Variants in NTNG1 observed in about 807,000 individuals in gnomAD.
NTNG1 encodes netrin G1, also known as netrin-G1.
Under a neutral mutation model 54.0 loss-of-function variants are expected in NTNG1, and 16 were observed. The ratio of observed to expected loss-of-function variants is 0.30; its 90% CI spans 0.20 to 0.45. NTNG1 has a LOEUF of 0.45. Ranked by LOEUF, NTNG1 falls within the 20% of genes least tolerant of loss-of-function variation. The pLI, the probability that NTNG1 is intolerant of heterozygous loss-of-function variation, is 1.00. For synonymous variants in NTNG1, 255 were observed against 263.1 expected, an observed-to-expected ratio of 0.97 and a Z score of 0.30; for missense variants, 530 against 678.7, an observed-to-expected ratio of 0.78 and a Z score of 2.43.
intron 2 of NTNG1, among the ~76,000 whole-genome samples, chr1:107,291,371 T>C (rs1665591828): frequency 6.6e-6 from 1 of 152,164 alleles, no homozygotes; most frequent in Admixed American, 6.6e-5. Context: ...CAATAGGCTA[T>C]TACTAGTTTA....
intron 3 of NTNG1, among the ~76,000 whole-genome samples, chr1:107,379,531 A>G (rs764000924): frequency 6.6e-6 from 1 of 152,184 alleles, no homozygotes; most frequent in African/African-American, 2.4e-5. Flanking sequence ...GAAACCTTTC[A>G]TGTGATAATT....
intron 3 of NTNG1, among the ~76,000 whole-genome samples, chr1:107,375,723 A>G (rs1380077988): frequency 6.6e-6 from 1 of 152,206 alleles, no homozygotes; most frequent in Non-Finnish European, 1.5e-5. Context: ...TCATAGATTG[A>G]TCATTTGACT....
chr1:107,345,731 A>G (rs1005360249), intron 3 of NTNG1, among the ~76,000 whole-genome samples: 18 of 152,130 alleles, frequency 1.2e-4, no homozygotes, highest in African/African-American at 4.1e-4. Context: ...TCCCCATAAG[A>G]AAAGTGTACT....
chr1:107,415,014 AT>A (rs1215303045), intron 5 of NTNG1, among the ~76,000 whole-genome samples: 2 of 152,250 alleles, frequency 1.3e-5, no homozygotes, highest in East Asian at 1.9e-4. Flanking sequence ...CATTTCAGAT[AT>A]TTTATTTTTT....
At chr1:107,458,706 T>C (rs1456835945) in intron 7 of NTNG1, among the ~76,000 whole-genome samples, 3 of 152,166 alleles carry the variant, frequency 2.0e-5, no homozygotes, top group Non-Finnish European at 4.4e-5. Flanking sequence ...AAACATGTAA[T>C]GTCTTACCAT....
At chr1:107,335,608 T>G (rs1668530885) in intron 3 of NTNG1, among the ~76,000 whole-genome samples, 1 of 152,008 alleles carries the variant, frequency 6.6e-6, no homozygotes, top group Non-Finnish European at 1.5e-5. Flanking sequence ...AACACAAATA[T>G]AGTTGGCTAA....
chr1:107,204,557 A>T (rs1659031262), intron 2 of NTNG1, among the ~76,000 whole-genome samples: 1 of 152,026 alleles, frequency 6.6e-6, no homozygotes, highest in Non-Finnish European at 1.5e-5. Flanking sequence ...TCTGTCTCTG[A>T]CCCTTCATAT....
intron 2 of NTNG1, among the ~76,000 whole-genome samples, chr1:107,245,069 A>G (rs1454406387): frequency 6.6e-6 from 1 of 152,238 alleles, no homozygotes; most frequent in Admixed American, 6.5e-5. Context: ...TATCAAAAAA[A>G]GACCCATAAG....
chr1:107,461,879 G>A (rs150627055), intron 7 of NTNG1, among the ~76,000 whole-genome samples: 56 of 152,222 alleles, frequency 3.7e-4, no homozygotes, highest in East Asian at 3.7e-3. Context: ...GAGCAGAGGC[G>A]TGCCATGATA....
intron 2 of NTNG1, among the ~76,000 whole-genome samples, chr1:107,242,500 G>C (rs1020131650): frequency 6.6e-6 from 1 of 152,158 alleles, no homozygotes; most frequent in Non-Finnish European, 1.5e-5. Context: ...AACAATTGCA[G>C]ATTAGCCTCT....
At position 107,482,120 on chromosome 1, in the gene NTNG1, C is replaced by CAGAGTACTA. The variant is rs1426843488; in HGVS notation, c.*1285_*1293dup. 1.4e-4 allele frequency: 21 copies of CAGAGTACTA among 147,220 alleles called. No homozygotes were observed. The highest frequency in any genetic ancestry group is 5.3e-4 in the African/African-American group (21 of 39,430). 9.1% of individuals were successfully genotyped at this position (147,220 alleles called of 1,614,324 possible). ...CCAAGATTATGCCAAAGCCTGTTGG[C>CAGAGTACTA]AGAGTACTAAGAGACTTTTATTTTT... is the stretch of plus-strand genomic sequence containing the variant. On this transcript the variant is annotated 3_prime_UTR_variant, in exon 8 of 8. Coordinates refer to ENST00000370068, the MANE Select transcript of NTNG1 (RefSeq NM_001113226.3).
intron 2 of NTNG1, 104 bp from the exon 3 acceptor site, chr1:107,324,178 G>A (rs1323163167): frequency 3.9e-6 from 4 of 1,024,622 alleles, no homozygotes; most frequent in Middle Eastern, 2.4e-4. Flanking sequence ...ACTGAAAACA[G>A]ATTTTTTTTT....
At chr1:107,475,681 G>A (rs185753363) in intron 7 of NTNG1, among the ~76,000 whole-genome samples, 76 of 152,254 alleles carry the variant, frequency 5.0e-4, no homozygotes, top group African/African-American at 1.8e-3. Context: ...AAATATATCA[G>A]GGACAACTGC....
At chr1:107,289,575 A>G (rs1665448628) in intron 2 of NTNG1, among the ~76,000 whole-genome samples, 1 of 152,108 alleles carries the variant, frequency 6.6e-6, no homozygotes, top group South Asian at 2.1e-4. Flanking sequence ...CTCAACTTAA[A>G]TATCACTTCA....
intron 3 of NTNG1, among the ~76,000 whole-genome samples, chr1:107,347,314 G>T (rs1669307190): frequency 6.6e-6 from 1 of 152,130 alleles, no homozygotes; most frequent in Non-Finnish European, 1.5e-5. Context: ...AGAAGTTCAA[G>T]ATCAGATAGG....
At chr1:107,392,642 C>T (rs1024485995) in intron 3 of NTNG1, among the ~76,000 whole-genome samples, 2 of 151,870 alleles carry the variant, frequency 1.3e-5, no homozygotes, top group Admixed American at 6.6e-5. Flanking sequence ...AGGCTGTGGA[C>T]ATTTGGAAGG....
chr1:107,191,164 T>A (rs1482858613), intron 2 of NTNG1, among the ~76,000 whole-genome samples: 1 of 152,246 alleles, frequency 6.6e-6, no homozygotes, highest in Non-Finnish European at 1.5e-5. Flanking sequence ...GATTTGCATT[T>A]CTCTGATGGC....
intron 2 of NTNG1, among the ~76,000 whole-genome samples, chr1:107,297,246 T>TATATATATA (rs1239725449): frequency 1.5e-5 from 1 of 67,274 alleles, no homozygotes; most frequent in African/African-American, 5.6e-5. Context: ...TATATATATA[T>TATATATATA]GCGCACACAC....
intron 3 of NTNG1, among the ~76,000 whole-genome samples, chr1:107,386,702 G>C (rs910803510): frequency 6.6e-6 from 1 of 152,072 alleles, no homozygotes; most frequent in Non-Finnish European, 1.5e-5. Flanking sequence ...TAATATTTGC[G>C]TACAAGTTTT....
Sources: gnomAD v4.1 joint callset for allele counts (sites outside exome capture counted in the v4.1 genomes callset) on GRCh38, gnomAD v4.1.1 for gene constraint, MANE v1.5 for transcripts, NCBI Gene and HGNC (gene_info 2026-07-23, HGNC 2026-07-21) for gene names.